SLC25A48: variants seen among roughly 807,000 people sequenced by gnomAD.
SLC25A48 encodes solute carrier family 25 member 48.
Under a neutral mutation model 32.2 loss-of-function variants are expected in SLC25A48, and 29 were observed. The observed-to-expected ratio is 0.90, with a 90% CI of 0.67 to 1.23. SLC25A48 has a LOEUF of 1.23. Ranked by LOEUF, SLC25A48 falls within the 50% of genes most tolerant of loss-of-function variation. The pLI is 0.00. For synonymous variants in SLC25A48, 164 were observed against 172.3 expected (o/e 0.95, Z 0.38); for missense variants, 399 against 422.7 (o/e 0.94, Z 0.49).
intron 2 of SLC25A48, among the ~76,000 whole-genome samples, chr5:135,843,222 C>A (rs1759148286): frequency 6.6e-6 from 1 of 152,174 alleles, no homozygotes; most frequent in Non-Finnish European, 1.5e-5. Flanking sequence ...GGATGGCAGG[C>A]AGGACCCAGT....
chr5:135,846,974 G>C (rs1029162059), intron 2 of SLC25A48, among the ~76,000 whole-genome samples: 1 of 152,120 alleles, frequency 6.6e-6, no homozygotes, highest in Non-Finnish European at 1.5e-5. Flanking sequence ...TATCTTACTT[G>C]ATACAATATG....
intron 4 of SLC25A48, among the ~76,000 whole-genome samples, chr5:135,869,513 A>T (rs1443039898): frequency 6.6e-6 from 1 of 152,142 alleles, no homozygotes; most frequent in Non-Finnish European, 1.5e-5. Context: ...TGTTATCAAG[A>T]TCCTCTCCCT....
rs138930588 is a variant in SLC25A48, at chr5:135,713,381, C to T, written c.-521+78425C>T. Among the ~76,000 whole-genome samples the T allele has an allele frequency of 2.3e-3, 347 of 152,286 alleles. 1 individual carries two copies. The highest frequency in any genetic ancestry group is 7.9e-3 in the African/African-American group (328 of 41,560). On this transcript the variant is annotated intron_variant, in intron 3 of 10. Coordinates refer to the SLC25A48 transcript ENST00000646290. ...CACAACTATGAACTTGTGTGGTTAT[C>T]AGAGCAGCTAGACTGAGTTCTCAGA...
intron 3 of SLC25A48, among the ~76,000 whole-genome samples, chr5:135,736,894 A>G (rs1755373919): frequency 6.6e-6 from 1 of 152,138 alleles, no homozygotes; most frequent in African/African-American, 2.4e-5. Flanking sequence ...AAAGAGGTTG[A>G]GGGATAGTGA....
At chr5:135,874,783 G>C in intron 6 of SLC25A48, 1 of 666,762 alleles carries the variant, frequency 1.5e-6, no homozygotes, top group Non-Finnish European at 2.7e-6. Flanking sequence ...GGATAGACCA[G>C]ACTTCCATGT....
chr5:135,699,906 A>T (rs1056916758), intron 3 of SLC25A48, among the ~76,000 whole-genome samples: 2 of 152,028 alleles, frequency 1.3e-5, no homozygotes, highest in Admixed American at 1.3e-4. Flanking sequence ...CTATCCTGAC[A>T]CCCTGTTTTT....
chr5:135,838,157 A>G (rs991252466), intron 1 of SLC25A48, among the ~76,000 whole-genome samples: 1 of 152,214 alleles, frequency 6.6e-6, no homozygotes, highest in African/African-American at 2.4e-5. Flanking sequence ...TTTAGCAAAG[A>G]GACTGGTGAC....
chr5:135,883,485 G>C, intron 7 of SLC25A48: 1 of 985,372 alleles, frequency 1.0e-6, no homozygotes, highest in Non-Finnish European at 1.2e-6. Context: ...CCTCTGCCTA[G>C]CTTCCAAGAG....
chr5:135,839,010 G>C (rs1758773907), intron 1 of SLC25A48, among the ~76,000 whole-genome samples: 1 of 152,202 alleles, frequency 6.6e-6, no homozygotes, highest in African/African-American at 2.4e-5. Flanking sequence ...CTTACAGCTT[G>C]CACCATGCAC....
chr5:135,789,722 G>A (rs1467522058), intron 3 of SLC25A48, among the ~76,000 whole-genome samples: 1 of 102,124 alleles, frequency 9.8e-6, no homozygotes, highest in East Asian at 2.9e-4. Flanking sequence ...CTGTGATATG[G>A]TTCTTAATAT....
intron 5 of SLC25A48, 124 bp downstream of exon 5, chr5:135,871,842 A>G: frequency 6.5e-7 from 1 of 1,534,874 alleles, no homozygotes; most frequent in Non-Finnish European, 8.8e-7. Context: ...TCACCCAACA[A>G]TTCTTTGTTA....
At chr5:135,672,884 T>A (rs1334903375) in intron 3 of SLC25A48, among the ~76,000 whole-genome samples, 1 of 152,188 alleles carries the variant, frequency 6.6e-6, no homozygotes, top group Non-Finnish European at 1.5e-5. Flanking sequence ...CCCTCCATCT[T>A]TACCCTTATG....
chr5:135,768,642 A>G (rs1756312360), intron 3 of SLC25A48, among the ~76,000 whole-genome samples: 1 of 151,554 alleles, frequency 6.6e-6, no homozygotes, highest in Non-Finnish European at 1.5e-5. Flanking sequence ...CCCCTGTTAT[A>G]TTGTTCATAG....
At chr5:135,765,205 G>A (rs1033818091) in intron 3 of SLC25A48, among the ~76,000 whole-genome samples, 45 of 151,352 alleles carry the variant, frequency 3.0e-4, no homozygotes, top group African/African-American at 1.0e-3. Context: ...TTTATGGTTT[G>A]TAATATCCAG....
intron 6 of SLC25A48, among the ~76,000 whole-genome samples, chr5:135,878,162 C>A (rs1394374919): frequency 6.6e-6 from 1 of 152,210 alleles, no homozygotes; most frequent in African/African-American, 2.4e-5. Context: ...GTGGGCTCTG[C>A]AGCAGAGCAG....
At chr5:135,587,838 C>T (rs1751407129) in intron 1 of SLC25A48, among the ~76,000 whole-genome samples, 1 of 152,186 alleles carries the variant, frequency 6.6e-6, no homozygotes, top group Non-Finnish European at 1.5e-5. Flanking sequence ...ATAATGGAAT[C>T]ATATCAAAAG....
chr5:135,882,214 G>A (rs990758217), intron 7 of SLC25A48, among the ~76,000 whole-genome samples: 1 of 152,260 alleles, frequency 6.6e-6, no homozygotes, highest in African/African-American at 2.4e-5. Context: ...GGGAGAGGGA[G>A]GTTCCCAGCC....
At chr5:135,788,067 G>A (rs575444182) in intron 3 of SLC25A48, among the ~76,000 whole-genome samples, 3 of 151,874 alleles carry the variant, frequency 2.0e-5, no homozygotes, top group Non-Finnish European at 2.9e-5. Flanking sequence ...TCACACCCCC[G>A]CTATATGGTT....
chr5:135,845,645 G>A (rs1759344654), intron 2 of SLC25A48, among the ~76,000 whole-genome samples: 2 of 152,232 alleles, frequency 1.3e-5, no homozygotes, highest in Admixed American at 1.3e-4. Flanking sequence ...TGTCTGTAAA[G>A]TGGGCAAGTA....
Sources: allele counts gnomAD v4.1 joint callset (sites outside exome capture counted in the v4.1 genomes callset), GRCh38; gene constraint gnomAD v4.1.1; transcripts MANE v1.5; gene names NCBI Gene and HGNC (gene_info 2026-07-23, HGNC 2026-07-21).